The following CLEC4A variants were observed in gnomAD, a reference collection of about 807,000 sequenced individuals.
CLEC4A encodes the protein C-type (calcium dependent, carbohydrate-recognition domain) lectin, superfamily member 6.
Under a neutral mutation model 32.7 loss-of-function variants are expected in CLEC4A, and 27 were observed. That is an observed-to-expected ratio of 0.83 (90% CI 0.61 to 1.14). The LOEUF (loss-of-function observed/expected upper bound fraction) is 1.14. Ranked by LOEUF, CLEC4A falls within the 50% of genes most tolerant of loss-of-function variation. The pLI, the probability that CLEC4A is intolerant of heterozygous loss-of-function variation, is 0.00. For synonymous variants in CLEC4A, 89 were observed against 93.7 expected (o/e 0.95, Z 0.29); for missense variants, 253 against 274.6 (o/e 0.92, Z 0.55).
intron 3 of CLEC4A, among the ~76,000 whole-genome samples, chr12:8,129,589 G>A (rs947338000): frequency 2.6e-5 from 4 of 151,858 alleles, no homozygotes; most frequent in African/African-American, 7.3e-5. Context: ...TCAACAGATC[G>A]AGACCATCCT....
At chr12:8,130,930 G>A (rs191310600) in intron 3 of CLEC4A, among the ~76,000 whole-genome samples, 12 of 152,120 alleles carry the variant, frequency 7.9e-5, no homozygotes, top group East Asian at 3.9e-4. Flanking sequence ...AGAACACCAC[G>A]TTACATTGAA....
At position 8,136,843 on chromosome 12, in the gene CLEC4A, A is replaced by G. The variant is rs758876638; in HGVS notation, c.506A>G (p.Asp169Gly). 71 of 1,613,666 alleles carry G rather than the reference A, an allele frequency of 4.4e-5. 1 individual carries two copies. In the Admixed American group the frequency reaches 1.2e-3, roughly 26 times the overall value. Residue 169 changes from aspartate (D) to glycine (G), a missense_variant, in exon 5 of 6, where the codon GAT becomes GGT. Transcript: ENST00000229332. ...EESAYFVGLS[D>G]PEGQRHWQWV... ...TCTGCTTATTTTGTGGGGCTCTCAGATCCAGAAGGTCAGCGACATTGGCAA... is the reference window on the plus strand; with the variant it reads ...TCTGCTTATTTTGTGGGGCTCTCAGGTCCAGAAGGTCAGCGACATTGGCAA...
At chr12:8,108,730 A>G in the CLEC4A span, among the ~76,000 whole-genome samples, 2 of 152,208 alleles carry the variant, frequency 1.3e-5, no homozygotes, top group Non-Finnish European at 2.9e-5. Context: ...AAGCTCTGGT[A>G]TACTTAAATT....
chr12:8,119,175 A>G (rs1045452039), upstream of CLEC4A, among the ~76,000 whole-genome samples: 5 of 152,238 alleles, frequency 3.3e-5, no homozygotes, highest in East Asian at 1.9e-4. Flanking sequence ...CCTTGCTGCA[A>G]AAATGGTCTT....
chr12:8,104,680 GT>G, the CLEC4A span, among the ~76,000 whole-genome samples: 50 of 152,218 alleles, frequency 3.3e-4, 1 homozygote, highest in Middle Eastern at 6.8e-3. Flanking sequence ...TGTCGCCTGG[GT>G]AATAAGCATA....
the CLEC4A span, among the ~76,000 whole-genome samples, chr12:8,112,559 CT>C: frequency 6.6e-6 from 1 of 151,528 alleles, no homozygotes; most frequent in Non-Finnish European, 1.5e-5. Context: ...AGATTGTGCT[CT>C]TTTCATATAT....
chr12:8,110,141 C>T, the CLEC4A span, among the ~76,000 whole-genome samples: 456 of 152,086 alleles, frequency 3.0e-3, 1 homozygote, highest in African/African-American at 0.011. Flanking sequence ...TTTTGAGCAC[C>T]GATCATTTGC....
At chr12:8,135,309 T>C (rs1032597882) in intron 3 of CLEC4A, among the ~76,000 whole-genome samples, 1 of 152,086 alleles carries the variant, frequency 6.6e-6, no homozygotes, top group African/African-American at 2.4e-5. Context: ...TGCATTATAT[T>C]CTCAGAGTCT....
the CLEC4A span, among the ~76,000 whole-genome samples, chr12:8,115,270 A>C: frequency 4.6e-5 from 7 of 152,202 alleles, no homozygotes; most frequent in Non-Finnish European, 1.0e-4. Flanking sequence ...ATTATTTGAT[A>C]TTTTGGAGGG....
At chr12:8,129,388 A>T in intron 3 of CLEC4A, 26 bp downstream of exon 3, 1 of 1,417,888 alleles carries the variant, frequency 7.1e-7, no homozygotes, top group African/African-American at 1.4e-5. Flanking sequence ...CCTAGAATTC[A>T]GTTGCTGAAT....
intron 2 of CLEC4A, 38 bp from the exon 3 acceptor site, chr12:8,129,226 C>A: frequency 7.7e-7 from 1 of 1,306,144 alleles, no homozygotes; most frequent in Non-Finnish European, 1.1e-6. Flanking sequence ...AGTCATAATG[C>A]TACCAGGAAA....
intron 1 of CLEC4A, 65 bp downstream of exon 1, chr12:8,124,025 A>G: frequency 9.4e-7 from 1 of 1,066,008 alleles, no homozygotes; most frequent in Non-Finnish European, 1.5e-6. Context: ...GGGTTTATGA[A>G]TAAGGCATAG....
chr12:8,120,234 G>A (rs1483197086), upstream of CLEC4A, among the ~76,000 whole-genome samples: 3 of 152,100 alleles, frequency 2.0e-5, no homozygotes, highest in Admixed American at 2.0e-4. Flanking sequence ...TTCCCCACCT[G>A]GGCTGATATA....
upstream of CLEC4A, among the ~76,000 whole-genome samples, chr12:8,118,680 C>G (rs755204227): frequency 6.6e-6 from 1 of 152,166 alleles, no homozygotes; most frequent in African/African-American, 2.4e-5. Context: ...CCCCCATGAT[C>G]CAGTCACCTC....
At position 8,135,717 on chromosome 12, in the gene CLEC4A, T is replaced by C. The variant is rs1316759366; in HGVS notation, c.431T>C (p.Ile144Thr). Residue 144 changes from isoleucine to threonine, a missense_variant, in exon 4 of 6, where the codon ATA becomes ACA. Coordinates refer to ENST00000229332, the MANE Select transcript of CLEC4A (RefSeq NM_016184.4). ...CARMEAHLLV[I>T]NTQEEQDFIF... The stretch of plus-strand genomic sequence containing the variant: ...AGAATGGAGGCTCACCTGCTGGTGA[T>C]AAACACTCAAGAAGAGCAGGTACTT... The C allele has an allele frequency of 4.3e-6, 7 of 1,613,956 alleles. No individual in the cohort carries two copies. Among genetic ancestry groups the C allele is most frequent in the Non-Finnish European group, 5.9e-6 (7 of 1,179,958 alleles).
At chr12:8,130,248 C>T (rs904125215) in intron 3 of CLEC4A, among the ~76,000 whole-genome samples, 11 of 152,044 alleles carry the variant, frequency 7.2e-5, no homozygotes, top group East Asian at 1.9e-4. Flanking sequence ...TTGCTTCTTT[C>T]GGAACTTTCT....
rs1054556078 is a variant in CLEC4A at position 8,125,581 on chromosome 12, C to G, written c.103C>G (p.Pro35Ala). 1.2e-6 allele frequency: 2 copies of G among 1,610,394 alleles called. No homozygotes were observed. Among genetic ancestry groups the G allele is most frequent in the Non-Finnish European group, 1.7e-6 (2 of 1,176,790 alleles). ...SSAASKERTAPHKSNTGFPKL... is the reference protein window; with the variant it reads ...SSAASKERTAAHKSNTGFPKL... ...TTCAGCTTCCAAGGAGAGGACTGCC[C>G]CTCACAAAAGTAATACCGGATTCCC... The change falls in exon 2 of 6, where the codon CCT (proline) becomes GCT (alanine). Residue 35 changes from proline to alanine, a missense_variant. By Grantham distance (27) the Pro-to-Ala change is conservative. Transcript: ENST00000229332.
In CLEC4A at chr12:8,134,589, T is replaced by C. The variant is rs373996484; in HGVS notation, c.299-996T>C. 509 of 1,613,058 alleles carry C rather than the reference T, an allele frequency of 3.2e-4. 8 individuals are homozygous for C. In the South Asian group the frequency reaches 4.8e-3, roughly 15 times the overall value. ...CTCAGGCTGAGAGGTCTCCAAGCCG[T>C]CTTGGGGCACTAGCCCCACTCCAGT... On this transcript the variant is annotated intron_variant, in intron 3 of 5. Coordinates refer to ENST00000229332, the MANE Select transcript of CLEC4A (RefSeq NM_016184.4).
chr12:8,111,265 T>G, the CLEC4A span, among the ~76,000 whole-genome samples: 1 of 146,906 alleles, frequency 6.8e-6, no homozygotes, highest in Non-Finnish European at 1.5e-5. Context: ...CTGCAACCTC[T>G]GCCTCCCAGG....
Sources: gnomAD v4.1 joint callset for allele counts (sites outside exome capture counted in the v4.1 genomes callset) on GRCh38, gnomAD v4.1.1 for gene constraint, MANE v1.5 for transcripts, NCBI Gene and HGNC (gene_info 2026-07-23, HGNC 2026-07-21) for gene names.